The following OR3A2 variants were observed in gnomAD, a reference collection of about 807,000 sequenced individuals.
The protein encoded by OR3A2 is olfactory receptor 3A2.
For missense variants in OR3A2, 318 were observed against 392.8 expected (o/e 0.81, Z 1.61); for synonymous variants, 126 against 159.3 (o/e 0.79, Z 1.57).
chr17:3,318,576 C>A (rs1292002334), intron 3 of OR3A2, among the ~76,000 whole-genome samples: 1 of 152,204 alleles, frequency 6.6e-6, no homozygotes, highest in African/African-American at 2.4e-5. Flanking sequence ...GTTCTTCCTA[C>A]CCAGCACAGC....
chr17:3,346,674 C>T (rs145602647), intron 2 of OR3A2, among the ~76,000 whole-genome samples: 13 of 151,762 alleles, frequency 8.6e-5, no homozygotes, highest in East Asian at 1.9e-4. Context: ...ATTATCCATC[C>T]GCACCTCTCC....
intron 2 of OR3A2, among the ~76,000 whole-genome samples, chr17:3,337,267 T>G (rs748302342): frequency 1.8e-4 from 28 of 152,076 alleles, no homozygotes; most frequent in Non-Finnish European, 4.1e-4. Context: ...AACTTCTTCA[T>G]GTGCACTTTT....
At chr17:3,333,355 G>A (rs570217090) in intron 3 of OR3A2, among the ~76,000 whole-genome samples, 2 of 152,288 alleles carry the variant, frequency 1.3e-5, no homozygotes, top group South Asian at 4.1e-4. Context: ...TATGTGCACA[G>A]CTGAACATAG....
chr17:3,325,441 C>A lies in OR3A2; in HGVS notation c.-85+10592G>T, dbSNP rs1038913637. Among the ~76,000 whole-genome samples the A allele has an allele frequency of 3.3e-5, 5 of 152,084 alleles. No homozygotes were observed. The South Asian group carries it at 1.0e-3, about 32-fold the overall frequency. On this transcript the variant is annotated intron_variant, in intron 3 of 4. Transcript: ENST00000573491. The stretch of plus-strand genomic sequence containing the variant: ...GCCAGGCTGGTCTCAAACTCCTGAC[C>A]TCAGGTGATCCACCCACCTTGGCCT...
chr17:3,310,943 GGC>G (rs1282579334), intron 3 of OR3A2: 1 of 588,584 alleles, frequency 1.7e-6, no homozygotes, highest in Non-Finnish European at 3.3e-6. Flanking sequence ...TCATGGGTGT[GGC>G]CCCCTTGGTC....
At chr17:3,276,873 G>C (rs1415136775), downstream of OR3A2, 1 of 151,760 alleles carries the variant, frequency 6.6e-6, no homozygotes, top group Non-Finnish European at 1.5e-5. Flanking sequence ...TAATTTAGTG[G>C]GCTCTTTTCC....
At chr17:3,347,707 G>T (rs148670046) in intron 2 of OR3A2, among the ~76,000 whole-genome samples, 2 of 152,144 alleles carry the variant, frequency 1.3e-5, no homozygotes, top group East Asian at 3.8e-4. Flanking sequence ...ATAAACATAC[G>T]TGTGCATGTG....
intron 2 of OR3A2, among the ~76,000 whole-genome samples, chr17:3,366,222 G>A (rs1397657680): frequency 6.6e-6 from 1 of 152,164 alleles, no homozygotes; most frequent in Non-Finnish European, 1.5e-5. Context: ...TTTATACGTT[G>A]AAGAATGGAC....
chr17:3,362,396 G>GT (rs1189635615), intron 2 of OR3A2, among the ~76,000 whole-genome samples: 1 of 151,618 alleles, frequency 6.6e-6, no homozygotes, highest in Non-Finnish European at 1.5e-5. Flanking sequence ...GTTTTGAAGG[G>GT]TTTTTTGTGT....
chr17:3,361,747 T>C (rs574443963), intron 2 of OR3A2, among the ~76,000 whole-genome samples: 9 of 151,870 alleles, frequency 5.9e-5, no homozygotes, highest in Non-Finnish European at 1.3e-4. Flanking sequence ...GAACCAGCCT[T>C]GCATCCCAGG....
intron 3 of OR3A2, among the ~76,000 whole-genome samples, chr17:3,330,953 A>T (rs918095773): frequency 7.2e-5 from 11 of 151,820 alleles, no homozygotes; most frequent in South Asian, 4.2e-4. Context: ...AAAGGATTTT[A>T]TTTCTCCTTC....
intron 3 of OR3A2, among the ~76,000 whole-genome samples, chr17:3,302,500 G>T (rs1418090971): frequency 6.6e-6 from 1 of 152,160 alleles, no homozygotes; most frequent in Non-Finnish European, 1.5e-5. Context: ...TTTAATAAAT[G>T]GTGCTGGGAA....
At chr17:3,323,515 T>C (rs2150636965) in intron 3 of OR3A2, among the ~76,000 whole-genome samples, 1 of 152,246 alleles carries the variant, frequency 6.6e-6, no homozygotes, top group Non-Finnish European at 1.5e-5. Flanking sequence ...CTTTCCATGT[T>C]TAGCACTTCC....
intron 3 of OR3A2, among the ~76,000 whole-genome samples, chr17:3,299,583 C>T (rs897079918): frequency 3.3e-5 from 5 of 152,126 alleles, no homozygotes; most frequent in Non-Finnish European, 7.4e-5. Flanking sequence ...GAGAGGTTGC[C>T]GAGCCCTCCC....
chr17:3,360,825 G>C lies in OR3A2; in HGVS notation c.-179+22979C>G, dbSNP rs141184927. 1.1e-4 allele frequency among the ~76,000 whole-genome samples: 17 copies of C among 151,764 alleles called. No individual in the cohort carries two copies. In the East Asian group the frequency reaches 3.3e-3, roughly 29 times the overall value. ...ATGCTGTTTTGGTTACTGTAACCTT[G>C]TAGTATAGTTTGAAGTCAGATAGCG... is the stretch of plus-strand genomic sequence containing the variant. On this transcript the variant is annotated intron_variant, in intron 2 of 4. Transcript: ENST00000573491.
intron 2 of OR3A2, among the ~76,000 whole-genome samples, chr17:3,359,608 C>T (rs1032652899): frequency 6.6e-6 from 1 of 151,670 alleles, no homozygotes; most frequent in Non-Finnish European, 1.5e-5. Context: ...GGTCCCCAAT[C>T]TCTTCTGGCT....
intron 3 of OR3A2, among the ~76,000 whole-genome samples, chr17:3,320,751 T>C (rs1003555076): frequency 1.3e-5 from 2 of 152,140 alleles, no homozygotes; most frequent in Non-Finnish European, 2.9e-5. Context: ...TCTGTTTTGG[T>C]ACTAGTACCA....
chr17:3,315,391 G>C (rs1351934891), intron 3 of OR3A2, among the ~76,000 whole-genome samples: 3 of 152,180 alleles, frequency 2.0e-5, no homozygotes, highest in African/African-American at 7.2e-5. Flanking sequence ...TGACTGGTAT[G>C]AAGTGGTGTC....
At chr17:3,297,970 T>G (rs1597325457) in intron 3 of OR3A2, among the ~76,000 whole-genome samples, 2 of 151,868 alleles carry the variant, frequency 1.3e-5, no homozygotes, top group East Asian at 3.9e-4. Flanking sequence ...TGGGGTTTCT[T>G]TGTTGTTCTT....
Sources: allele counts gnomAD v4.1 joint callset (sites outside exome capture counted in the v4.1 genomes callset), GRCh38; gene constraint gnomAD v4.1.1; transcripts MANE v1.5; gene names NCBI Gene and HGNC (gene_info 2026-07-23, HGNC 2026-07-21).